Variants in PCDHGB7 observed in about 807,000 individuals in gnomAD.
The protein encoded by PCDHGB7 is protocadherin gamma subfamily B, 7.
In PCDHGB7, 37 loss-of-function variants were observed where a neutral mutation model predicts 61.4. The ratio of observed to expected loss-of-function variants is 0.60; its 90% CI spans 0.46 to 0.79. The LOEUF (loss-of-function observed/expected upper bound fraction) is 0.79, where lower values mean the gene tolerates loss of function less well. PCDHGB7 is among the 30% of genes least tolerant of loss of function. The probability of loss-of-function intolerance (pLI) is 0.00; values close to 1 mark genes in which losing one functional copy is unlikely to be tolerated. For synonymous variants in PCDHGB7, 464 were observed against 503.5 expected (o/e 0.92, Z 1.05); for missense variants, 1,166 against 1,202.5 (o/e 0.97, Z 0.45).
chr5:141,436,277 T>G (rs2097806022), intron 1 of PCDHGB7, among the ~76,000 whole-genome samples: 1 of 152,194 alleles, frequency 6.6e-6, no homozygotes, highest in Non-Finnish European at 1.5e-5. Flanking sequence ...TAACTTGATT[T>G]AGGAACAAAT....
rs1362049053 is a variant in PCDHGB7, at chr5:141,420,079, C to T, written c.2220C>T (p.Pro740=). 1 of 1,613,998 alleles carries T rather than the reference C, an allele frequency of 6.2e-7. No homozygotes were observed. Among genetic ancestry groups the T allele is most frequent in the Non-Finnish European group, 8.5e-7 (1 of 1,179,850 alleles). Residue 740 remains proline (P), a synonymous_variant, in exon 1 of 4, where the codon CCC becomes CCT. Coordinates refer to ENST00000398594, the MANE Select transcript of PCDHGB7 (RefSeq NM_018927.4). ...GCTCCAAGTCCGGACCTGTGGGTCCCCCCAACTACAGTGAGGGAACGTTGC... is the reference window on the plus strand; with the variant it reads ...GCTCCAAGTCCGGACCTGTGGGTCCTCCCAACTACAGTGAGGGAACGTTGC... ...VLCSKSGPVG[P]PNYSEGTLPY... is the part of the protein sequence containing the mutation.
intron 1 of PCDHGB7, chr5:141,430,569 G>A (rs1252716330): frequency 4.5e-6 from 2 of 439,930 alleles, no homozygotes; most frequent in African/African-American, 4.1e-5. Flanking sequence ...GGAGAGAAAA[G>A]CGGAGATCCT....
At chr5:141,435,719 C>T (rs890713374) in intron 1 of PCDHGB7, among the ~76,000 whole-genome samples, 6 of 152,156 alleles carry the variant, frequency 3.9e-5, no homozygotes, top group Admixed American at 3.3e-4. Context: ...ACACTGAATG[C>T]TAAAGTGTAT....
intron 1 of PCDHGB7, chr5:141,427,958 G>T: frequency 6.3e-7 from 1 of 1,588,408 alleles, no homozygotes; most frequent in Non-Finnish European, 8.6e-7. Flanking sequence ...ACAATGTGCC[G>T]CGGGTGCTGT....
intron 1 of PCDHGB7, among the ~76,000 whole-genome samples, chr5:141,425,699 G>A (rs535043616): frequency 6.6e-6 from 1 of 152,260 alleles, no homozygotes; most frequent in Non-Finnish European, 1.5e-5. Context: ...ATTTCATAGT[G>A]GTCAAAATTT....
intron 1 of PCDHGB7, among the ~76,000 whole-genome samples, chr5:141,469,492 T>C (rs1233507221): frequency 6.6e-6 from 1 of 152,038 alleles, no homozygotes; most frequent in Non-Finnish European, 1.5e-5. Flanking sequence ...GGAGAATCGC[T>C]TGAACCCGGG....
intron 1 of PCDHGB7, chr5:141,423,310 G>A (rs1175296469): frequency 1.2e-6 from 2 of 1,614,180 alleles, no homozygotes; most frequent in Admixed American, 1.7e-5. Flanking sequence ...GCTGTACTTG[G>A]TGGTGGCGGT....
At chr5:141,472,786 G>A (rs549389294) in intron 1 of PCDHGB7, among the ~76,000 whole-genome samples, 1 of 151,888 alleles carries the variant, frequency 6.6e-6, no homozygotes, top group Non-Finnish European at 1.5e-5. Flanking sequence ...GGGAGTTCAA[G>A]ATCAGCCTGA....
rs1386791249 is a variant in PCDHGB7 at position 141,511,417 on chromosome 5, G to A, written c.*244G>A. 1.2e-6 allele frequency: 1 copy of A among 835,942 alleles called. No homozygotes were observed. Among genetic ancestry groups the A allele is most frequent in the African/African-American group, 1.7e-5 (1 of 58,154 alleles). The allele number at this position is 835,942 out of a possible 1,614,324, so 51.8% of individuals were successfully genotyped here. A position where few individuals can be genotyped will look rare whatever the true frequency, so the allele number is the denominator to read the frequency against. The stretch of plus-strand genomic sequence containing the variant: ...CCATCCAATCAACTGCTGTACCCAT[G>A]GGGGTAGTGGGGTTACTGTAGACAC... On this transcript the variant is annotated 3_prime_UTR_variant, in exon 4 of 4. Transcript: ENST00000398594.
rs61612330 is a variant in PCDHGB7, at chr5:141,454,796, A to ATTTTTTTTTTTTTTTTTTTTTTT, written c.2415+34529_2415+34551dup. Among the ~76,000 whole-genome samples, 6 of 77,456 alleles carry ATTTTTTTTTTTTTTTTTTTTTTT rather than the reference A, an allele frequency of 7.7e-5. 1 individual carries two copies. The highest frequency in any genetic ancestry group is 8.0e-4 in the East Asian group (2 of 2,512). 50.8% of individuals were successfully genotyped at this position (77,456 alleles called of 152,430 possible). Reference sequence around the variant, plus strand: ...AAGGAAATAATCCTCCATGGTTCTAATTTTTTTTTTTTTTTTTTTTTTTTT... The same window carrying ATTTTTTTTTTTTTTTTTTTTTTT: ...AAGGAAATAATCCTCCATGGTTCTAATTTTTTTTTTTTTTTTTTTTTTTTTTTTTTTTTTTTTTTTTTTTTTTT... On this transcript the variant is annotated intron_variant, in intron 1 of 3. Transcript: ENST00000398594.
intron 1 of PCDHGB7, among the ~76,000 whole-genome samples, chr5:141,449,520 C>T (rs1384869748): frequency 1.4e-5 from 2 of 144,104 alleles, no homozygotes; most frequent in Non-Finnish European, 1.5e-5. Context: ...ACCTGGGAGG[C>T]GGAGGTTGCA....
chr5:141,485,245 G>C lies in PCDHGB7; in HGVS notation c.2416-9562G>C. 1 of 1,614,188 alleles carries C rather than the reference G, an allele frequency of 6.2e-7. No individual in the cohort carries two copies. Among genetic ancestry groups the C allele is most frequent in the Non-Finnish European group, 8.5e-7 (1 of 1,180,008 alleles). On this transcript the variant is annotated intron_variant, in intron 1 of 3. Coordinates refer to ENST00000398594, the MANE Select transcript of PCDHGB7 (RefSeq NM_018927.4). This position sits in a 1 kb window ranked among gnomAD's most constrained non-coding sequence, Gnocchi z 5.7. The stretch of plus-strand genomic sequence containing the variant: ...CCCTTTTGTTCCTCTTTTACCACCT[G>C]GGTTACGTTTGTGGGCAGATCCGCT...
intron 2 of PCDHGB7, among the ~76,000 whole-genome samples, chr5:141,503,611 A>AG (rs992110793): frequency 6.6e-6 from 1 of 151,948 alleles, no homozygotes; most frequent in Non-Finnish European, 1.5e-5. Flanking sequence ...AAAAAAAAAA[A>AG]AAAGAAAAAA....
intron 1 of PCDHGB7, among the ~76,000 whole-genome samples, chr5:141,479,077 A>G (rs1393042749): frequency 6.6e-6 from 1 of 152,224 alleles, no homozygotes; most frequent in Non-Finnish European, 1.5e-5. Context: ...ATGAAATGAA[A>G]TTCCAGGCAT....
chr5:141,502,028 G>A (rs561260963), intron 2 of PCDHGB7, among the ~76,000 whole-genome samples: 62 of 152,150 alleles, frequency 4.1e-4, no homozygotes, highest in African/African-American at 1.5e-3. Flanking sequence ...TGCAACCCCC[G>A]CCGCTTGCCT....
Position 141,418,740 on chromosome 5 carries a change from T to C in PCDHGB7, c.881T>C (p.Leu294Pro). Residue 294 changes from leucine to proline, a missense_variant, in exon 1 of 4, where the codon CTG (leucine) becomes CCG (proline). By Grantham distance (98) the Leu-to-Pro change is moderately conservative. Coordinates refer to ENST00000398594, the MANE Select transcript of PCDHGB7 (RefSeq NM_018927.4). ...GACAAAGCTCAGCACGTGTTCTCTC[T>C]GGATTACACTACAGGAAACATTCTA... ...VADKAQHVFS[L>P]DYTTGNILTQ... 1 of 1,613,972 alleles carries C rather than the reference T, an allele frequency of 6.2e-7. No individual in the cohort carries two copies. Among genetic ancestry groups the C allele is most frequent in the Admixed American group, 1.7e-5 (1 of 60,014 alleles).
intron 2 of PCDHGB7, among the ~76,000 whole-genome samples, chr5:141,500,311 C>T (rs2099799036): frequency 2.0e-5 from 3 of 152,072 alleles, no homozygotes; most frequent in African/African-American, 7.2e-5. Context: ...CAGGTTCACG[C>T]CATGCTCCTG....
rs1308866536 is a variant in PCDHGB7 at position 141,464,896 on chromosome 5, GT to G, written c.2416-29910del. On this transcript the variant is annotated intron_variant, in intron 1 of 3. Coordinates refer to ENST00000398594, the MANE Select transcript of PCDHGB7 (RefSeq NM_018927.4). ...TAGGACTACAGATGGATGCCACCAT[GT>G]CCAGCTAATTTTTTTATTTTTTTGT... 2.0e-5 allele frequency among the ~76,000 whole-genome samples: 3 copies of G among 151,672 alleles called. No homozygotes were observed. The East Asian group carries it at 5.8e-4, about 30-fold the overall frequency.
Position 141,418,282 on chromosome 5 carries a change from A to G in PCDHGB7, c.423A>G (p.Glu141=), listed in dbSNP as rs1209026046. 1 of 1,614,030 alleles carries G rather than the reference A, an allele frequency of 6.2e-7. No homozygotes were observed. The highest frequency in any genetic ancestry group is 1.7e-5 in the Admixed American group (1 of 60,034). The change falls in exon 1 of 4, where the codon GAA becomes GAG. Residue 141 remains glutamate, a synonymous_variant. Transcript: ENST00000398594. ...TCCGGAAAGATGAAATAAACTTAGA[A>G]ATCAGTGAATCCGTCAGCCTGGGGA... ...PQFRKDEINL[E]ISESVSLGMG...
Sources: gnomAD v4.1 joint callset for allele counts (sites outside exome capture counted in the v4.1 genomes callset) on GRCh38, gnomAD v4.1.1 for gene constraint, Gnocchi (gnomAD v3.1) non-coding constraint, MANE v1.5 for transcripts, NCBI Gene and HGNC (gene_info 2026-07-23, HGNC 2026-07-21) for gene names.